The following LETM2 variants were observed in gnomAD, a reference collection of about 807,000 sequenced individuals.
The protein encoded by LETM2 is leucine zipper and EF-hand containing transmembrane protein 2.
Under a neutral mutation model 59.6 loss-of-function variants are expected in LETM2, and 58 were observed. That is an observed-to-expected ratio of 0.97 (90% CI 0.79 to 1.21). LETM2 has a LOEUF of 1.21. Ranked by LOEUF, LETM2 falls within the 50% of genes most tolerant of loss-of-function variation. The pLI is 0.00. For synonymous variants in LETM2, 199 were observed against 214.1 expected, an observed-to-expected ratio of 0.93 and a Z score of 0.62; for missense variants, 572 against 575.7, an observed-to-expected ratio of 0.99 and a Z score of 0.07.
chr8:38,384,897 G>A (rs1403747961), upstream of LETM2, among the ~76,000 whole-genome samples: 2 of 152,188 alleles, frequency 1.3e-5, no homozygotes, highest in Non-Finnish European at 2.9e-5. Flanking sequence ...GTCTCCCAGG[G>A]AACTGAAAAT....
chr8:38,399,708 A>G (rs1345706506), intron 4 of LETM2, among the ~76,000 whole-genome samples: 2 of 148,318 alleles, frequency 1.3e-5, no homozygotes, highest in African/African-American at 5.0e-5. Context: ...AACCCGGGAG[A>G]GAGAGGTTGC....
intron 6 of LETM2, 115 bp downstream of exon 6, chr8:38,401,168 G>A: frequency 1.2e-6 from 1 of 819,914 alleles, no homozygotes; most frequent in Non-Finnish European, 1.9e-6. Flanking sequence ...TTGAGACAAA[G>A]TCTTGCTCTG....
At chr8:38,402,423 G>C in intron 6 of LETM2, 102 bp from the exon 7 acceptor site, 2 of 1,356,440 alleles carry the variant, frequency 1.5e-6, no homozygotes, top group Non-Finnish European at 2.1e-6. Flanking sequence ...AGGGGACAAA[G>C]CATCCAAGCC....
At chr8:38,402,688 C>G (rs1301734319) in intron 7 of LETM2, 44 bp downstream of exon 7, 1 of 1,600,884 alleles carries the variant, frequency 6.2e-7, no homozygotes, top group East Asian at 2.2e-5. Flanking sequence ...CTAGAACTCT[C>G]TCCTACAATA....
chr8:38,393,962 C>T (rs1434591372), intron 3 of LETM2, 136 bp from the exon 4 acceptor site: 1 of 678,784 alleles, frequency 1.5e-6, no homozygotes, highest in Non-Finnish European at 2.2e-6. Flanking sequence ...TGAGGCCAGA[C>T]TGGGCAACAT....
At chr8:38,386,748 C>G (rs910524009) in intron 1 of LETM2, 180 bp downstream of exon 1, 1 of 153,234 alleles carries the variant, frequency 6.5e-6, no homozygotes, top group Non-Finnish European at 1.5e-5. Context: ...CGCCAGTTCC[C>G]CAGCACAGCG....
At chr8:38,383,596 A>G (rs1585949727), upstream of LETM2, 1 of 151,880 alleles carries the variant, frequency 6.6e-6, no homozygotes, top group South Asian at 2.1e-4. Flanking sequence ...ATTATGAACT[A>G]TTTTTTTTAA....
At chr8:38,397,811 T>C (rs1193770777) in intron 4 of LETM2, among the ~76,000 whole-genome samples, 2 of 151,890 alleles carry the variant, frequency 1.3e-5, no homozygotes, top group African/African-American at 4.8e-5. Context: ...AAGAGAGAGA[T>C]GACAGAGAAT....
chr8:38,394,280 A>T (rs373042787), intron 4 of LETM2, 39 bp downstream of exon 4: 4 of 1,263,724 alleles, frequency 3.2e-6, no homozygotes, highest in South Asian at 3.4e-5. Flanking sequence ...AATAAACCTT[A>T]TTAGAGGAGT....
At chr8:38,388,752 T>TG (rs1453792438) in intron 2 of LETM2, among the ~76,000 whole-genome samples, 2 of 151,462 alleles carry the variant, frequency 1.3e-5, no homozygotes, top group Non-Finnish European at 2.9e-5. Flanking sequence ...ATGTAGTTTT[T>TG]TTTGTTTGTT....
intron 8 of LETM2, 31 bp downstream of exon 8, chr8:38,404,537 C>T (rs746912721): frequency 7.8e-6 from 11 of 1,413,346 alleles, no homozygotes; most frequent in Admixed American, 3.3e-5. Context: ...GGACCCTCGA[C>T]GTCCATCCAA....
intron 4 of LETM2, among the ~76,000 whole-genome samples, chr8:38,395,188 T>C (rs900501556): frequency 3.5e-4 from 54 of 152,336 alleles, no homozygotes; most frequent in African/African-American, 1.2e-3. Context: ...TAGACACTTA[T>C]GTACAGGTTT....
rs774005560 is a variant in LETM2 at position 38,402,588 on chromosome 8, C to T, written c.1048C>T (p.Arg350Ter). Residue 350 changes from arginine (R) to a stop codon, truncating the protein, a stop_gained, in exon 7 of 11, where the codon CGA (arginine) becomes TGA (stop). Transcript: ENST00000379957. LOFTEE classifies it high-confidence loss of function. ...AGAACTACAGGCTGCCTGTAGGGCC[C>T]GAGGGATGAGATCACTGGGTCTCAC... ...VSELQAACRA[R>*]GMRSLGLTEE... The T allele has an allele frequency of 1.6e-5, 26 of 1,613,832 alleles. No homozygotes were observed. The Admixed American group carries it at 1.8e-4, about 11-fold the overall frequency.
At chr8:38,407,848 T>A (rs1227313692) in intron 10 of LETM2, among the ~76,000 whole-genome samples, 1 of 152,204 alleles carries the variant, frequency 6.6e-6, no homozygotes, top group Non-Finnish European at 1.5e-5. Flanking sequence ...ACTACTTATC[T>A]ATCATCCAGT....
rs1243253903 is a variant in LETM2 at position 38,409,206 on chromosome 8, G to A, written c.*932G>A. 6.6e-6 allele frequency: 1 copy of A among 152,190 alleles called. No individual in the cohort carries two copies. Among genetic ancestry groups the A allele is most frequent in the Non-Finnish European group, 1.5e-5 (1 of 68,028 alleles). 9.4% of individuals were successfully genotyped at this position (152,190 alleles called of 1,614,324 possible). A position where few individuals can be genotyped will look rare whatever the true frequency, so the allele number is the denominator to read the frequency against. ...AAGGGCTTTCTTCCCCTGGGGAGTG[G>A]TTAGAAGGCCAAAGGTATTTCAGCC... On this transcript the variant is annotated 3_prime_UTR_variant, in exon 11 of 11. Coordinates refer to ENST00000379957, the MANE Select transcript of LETM2 (RefSeq NM_001286819.2).
chr8:38,390,181 T>G (rs964568816), intron 2 of LETM2, among the ~76,000 whole-genome samples: 1 of 151,538 alleles, frequency 6.6e-6, no homozygotes, highest in Non-Finnish European at 1.5e-5. Context: ...CCAGCCTCGG[T>G]TTTTAACACC....
In LETM2 at chr8:38,407,178, G is replaced by A. The variant is rs973545386; in HGVS notation, c.1311+140G>A. 1.9e-5 allele frequency: 14 copies of A among 723,050 alleles called. No homozygotes were observed. In the Admixed American group the frequency reaches 2.3e-4, roughly 12 times the overall value. 44.8% of individuals were successfully genotyped at this position (723,050 alleles called of 1,614,324 possible). A position where few individuals can be genotyped will look rare whatever the true frequency, so the allele number is the denominator to read the frequency against. On this transcript the variant is annotated intron_variant, in intron 9 of 10. Coordinates refer to ENST00000379957, the MANE Select transcript of LETM2 (RefSeq NM_001286819.2). ...CTTAATAAGGAATATTTATTGTACT[G>A]TTTGATCTAAGAGGAAGCTTAATAT... is the stretch of plus-strand genomic sequence containing the variant.
intron 4 of LETM2, among the ~76,000 whole-genome samples, chr8:38,396,637 G>T (rs1235769607): frequency 6.6e-6 from 1 of 152,100 alleles, no homozygotes; most frequent in Non-Finnish European, 1.5e-5. Context: ...GGATGCAGTG[G>T]CTCATCTCTG....
chr8:38,404,776 T>C (rs1042568420), intron 8 of LETM2: 4 of 353,022 alleles, frequency 1.1e-5, no homozygotes, highest in Non-Finnish European at 2.1e-5. Context: ...GGTCAGGAGT[T>C]TGAAACTAGC....
Sources: gnomAD v4.1 joint callset for allele counts (sites outside exome capture counted in the v4.1 genomes callset) on GRCh38, gnomAD v4.1.1 for gene constraint, MANE v1.5 for transcripts, NCBI Gene and HGNC (gene_info 2026-07-23, HGNC 2026-07-21) for gene names.